The following KIAA1217 variants were observed in gnomAD, a reference collection of about 807,000 sequenced individuals.
The protein encoded by KIAA1217 is KIAA1217, also known as sickle tail protein homolog.
A neutral mutation model predicts 163.9 loss-of-function variants in KIAA1217; 88 were observed. The ratio of observed to expected loss-of-function variants is 0.54; its 90% CI spans 0.45 to 0.64. The LOEUF (loss-of-function observed/expected upper bound fraction) is 0.64, where lower values mean the gene tolerates loss of function less well. KIAA1217 is among the 30% of genes least tolerant of loss of function. The pLI, the probability that KIAA1217 is intolerant of heterozygous loss-of-function variation, is 0.00. For missense variants in KIAA1217, 2,372 were observed against 2,475.0 expected (o/e 0.96, Z 0.88); for synonymous variants, 903 against 923.1 (o/e 0.98, Z 0.39).
At chr10:24,441,706 G>A (rs527631502) in intron 5 of KIAA1217, among the ~76,000 whole-genome samples, 18 of 152,220 alleles carry the variant, frequency 1.2e-4, no homozygotes, top group Non-Finnish European at 2.4e-4. Context: ...CGTGGCTTTT[G>A]TTTCCTTACA....
intron 1 of KIAA1217, among the ~76,000 whole-genome samples, chr10:23,970,326 T>C (rs927474394): frequency 2.6e-5 from 4 of 152,176 alleles, no homozygotes; most frequent in Non-Finnish European, 5.9e-5. Flanking sequence ...AAGAAAAGTT[T>C]GTCATTTGCT....
chr10:23,735,953 AC>A, intron 1 of KIAA1217, among the ~76,000 whole-genome samples: 1 of 152,348 alleles, frequency 6.6e-6, no homozygotes, highest in South Asian at 2.1e-4. Flanking sequence ...TTGATTAAAT[AC>A]CTAGGAGTGG....
chr10:24,515,966 G>C (rs1470471887), intron 10 of KIAA1217, among the ~76,000 whole-genome samples: 1 of 152,226 alleles, frequency 6.6e-6, no homozygotes. Context: ...AGCTACTCAG[G>C]AGGCTGAAGC....
intron 2 of KIAA1217, among the ~76,000 whole-genome samples, chr10:24,132,466 C>G (rs1235753089): frequency 6.6e-6 from 1 of 152,182 alleles, no homozygotes; most frequent in Admixed American, 6.5e-5. Flanking sequence ...AGAACATGCT[C>G]AATTTTAGAG....
intron 2 of KIAA1217, among the ~76,000 whole-genome samples, chr10:24,187,530 T>G (rs1208558255): frequency 2.6e-5 from 4 of 152,230 alleles, no homozygotes; most frequent in Non-Finnish European, 1.5e-5. Flanking sequence ...TGAAGATTCA[T>G]CATGCAGTCC....
At chr10:24,538,976 C>T (rs1453159426) in intron 17 of KIAA1217, among the ~76,000 whole-genome samples, 1 of 151,960 alleles carries the variant, frequency 6.6e-6, no homozygotes, top group Admixed American at 6.5e-5. Flanking sequence ...TCGTGATCCA[C>T]CCGCCTCAGC....
chr10:24,240,379 A>G (rs1543740), intron 2 of KIAA1217, among the ~76,000 whole-genome samples: 67,476 of 152,120 alleles, frequency 0.44, 15,105 homozygotes, highest in Admixed American at 0.5. Context: ...ACTACTTAGG[A>G]ATAAGTGGAT....
chr10:24,109,580 C>T (rs1404123964), intron 2 of KIAA1217, among the ~76,000 whole-genome samples: 1 of 151,698 alleles, frequency 6.6e-6, no homozygotes, highest in Non-Finnish European at 1.5e-5. Context: ...TCATGGGGAT[C>T]TGAAATCAAC....
chr10:23,786,951 A>G (rs1246926675), intron 1 of KIAA1217, among the ~76,000 whole-genome samples: 2 of 152,208 alleles, frequency 1.3e-5, no homozygotes, highest in African/African-American at 4.8e-5. Flanking sequence ...GAATATGACA[A>G]TGAGAAATGG....
chr10:23,767,967 G>A (rs1834616391), intron 1 of KIAA1217, among the ~76,000 whole-genome samples: 1 of 152,200 alleles, frequency 6.6e-6, no homozygotes, highest in African/African-American at 2.4e-5. Flanking sequence ...TACTTCAAGA[G>A]ACCAGAAGGA....
At chr10:24,533,282 G>C in intron 16 of KIAA1217, 45 bp downstream of exon 16, 1 of 1,560,964 alleles carries the variant, frequency 6.4e-7, no homozygotes, top group South Asian at 1.2e-5. Context: ...CCTCCCGCCT[G>C]GGTCTCTCCA....
intron 1 of KIAA1217, among the ~76,000 whole-genome samples, chr10:23,956,490 C>G (rs946954397): frequency 6.6e-6 from 1 of 152,152 alleles, no homozygotes; most frequent in Non-Finnish European, 1.5e-5. Flanking sequence ...ATGTCTACAG[C>G]AGTCACCTTG....
chr10:24,515,814 A>G (rs566950340), intron 10 of KIAA1217, among the ~76,000 whole-genome samples: 77 of 152,326 alleles, frequency 5.1e-4, no homozygotes, highest in Admixed American at 2.0e-3. Context: ...GTTCATGCCT[A>G]TAGTCCCAGC....
chr10:24,203,992 C>G (rs1360939778), upstream of KIAA1217, among the ~76,000 whole-genome samples: 2 of 152,180 alleles, frequency 1.3e-5, no homozygotes, highest in East Asian at 1.9e-4. Flanking sequence ...CATCTATCTT[C>G]CAACTTAAAA....
At chr10:23,803,564 C>A (rs999782384) in intron 1 of KIAA1217, among the ~76,000 whole-genome samples, 2 of 152,170 alleles carry the variant, frequency 1.3e-5, no homozygotes, top group African/African-American at 4.8e-5. Context: ...TGTCCTCATG[C>A]CCCATAGGAG....
chr10:24,249,403 T>C (rs1041578415), intron 2 of KIAA1217, among the ~76,000 whole-genome samples: 2 of 152,168 alleles, frequency 1.3e-5, no homozygotes, highest in African/African-American at 4.8e-5. Flanking sequence ...TTTACGCAAT[T>C]TTTATTAAAG....
At chr10:23,853,226 G>A (rs962186164) in intron 1 of KIAA1217, among the ~76,000 whole-genome samples, 8 of 152,152 alleles carry the variant, frequency 5.3e-5, no homozygotes, top group Admixed American at 3.3e-4. Flanking sequence ...AGCATGAAGA[G>A]TTGTTGAATT....
chr10:24,077,247 G>T (rs1489246552), intron 2 of KIAA1217, among the ~76,000 whole-genome samples: 1 of 152,040 alleles, frequency 6.6e-6, no homozygotes, highest in Non-Finnish European at 1.5e-5. Context: ...AGGTAAAGGT[G>T]TGCCATGGTG....
At position 23,883,813 on chromosome 10, in the gene KIAA1217, A is replaced by T. The variant is rs1364378954; in HGVS notation, c.-320-123412A>T. On this transcript the variant is annotated intron_variant, in intron 1 of 18. Transcript: ENST00000376462. ...TCCCCCCAACTCTTGACAACAACTG[A>T]TCTTCTTACTGTCTCCATAGTTCTG... Among the ~76,000 whole-genome samples, 7 of 151,996 alleles carry T rather than the reference A, an allele frequency of 4.6e-5. No homozygotes were observed. In the South Asian group the frequency reaches 1.5e-3, roughly 32 times the overall value.
Sources: allele counts gnomAD v4.1 joint callset (sites outside exome capture counted in the v4.1 genomes callset), GRCh38; gene constraint gnomAD v4.1.1; transcripts MANE v1.5; gene names NCBI Gene and HGNC (gene_info 2026-07-23, HGNC 2026-07-21).